CADM2: variants seen among roughly 807,000 people sequenced by gnomAD.
CADM2 encodes immunoglobulin superfamily member 4D.
CADM2 carries 12 observed loss-of-function variants against 49.8 expected under a neutral mutation model. That is an observed-to-expected ratio of 0.24 (90% CI 0.15 to 0.39). The LOEUF (loss-of-function observed/expected upper bound fraction) is 0.39, where lower values mean the gene tolerates loss of function less well. Among genes scored for constraint, CADM2 ranks in the 10% least tolerant of loss-of-function variants. The probability of loss-of-function intolerance (pLI) is 1.00; values close to 1 mark genes in which losing one functional copy is unlikely to be tolerated. For missense variants in CADM2, 378 were observed against 492.3 expected, an observed-to-expected ratio of 0.77 and a Z score of 2.20; for synonymous variants, 214 against 175.4, an observed-to-expected ratio of 1.22 and a Z score of -1.74.
chr3:85,989,565 C>G (rs752011459), intron 8 of CADM2, among the ~76,000 whole-genome samples: 1 of 151,956 alleles, frequency 6.6e-6, no homozygotes, highest in Non-Finnish European at 1.5e-5. Context: ...CAAAACAGGA[C>G]GAAAGATGGA....
In CADM2 at chr3:85,535,910, A is replaced by G. The variant is rs545888198; in HGVS notation, c.62-190612A>G. On this transcript the variant is annotated intron_variant, in intron 1 of 9. Coordinates refer to ENST00000383699, the MANE Select transcript of CADM2 (RefSeq NM_001167675.2). ...TGGTAATGCTGTGTGTAGAAGGAAT[A>G]GTATTTTAGGCTGTAGACTTGTGTC... Among the ~76,000 whole-genome samples the G allele has an allele frequency of 2.8e-4, 43 of 152,250 alleles. 1 individual carries two copies. The South Asian group carries it at 7.5e-3, about 26-fold the overall frequency.
intron 1 of CADM2, among the ~76,000 whole-genome samples, chr3:85,347,640 C>CATATATATAAATATATATACAT (rs2030871744): frequency 1.8e-5 from 1 of 57,020 alleles, no homozygotes; most frequent in African/African-American, 4.6e-5. Context: ...AATATATATA[C>CATATATATAAATATATATACAT]ATATATATAT....
chr3:86,064,494 C>T (rs932040358), intron 8 of CADM2, among the ~76,000 whole-genome samples: 10 of 152,008 alleles, frequency 6.6e-5, no homozygotes, highest in African/African-American at 1.9e-4. Context: ...TTTGCTATTG[C>T]GAGTAGTGCC....
chr3:85,547,886 G>A (rs1328971684), intron 1 of CADM2, among the ~76,000 whole-genome samples: 1 of 152,180 alleles, frequency 6.6e-6, no homozygotes, highest in Non-Finnish European at 1.5e-5. Flanking sequence ...TCTAGAACAT[G>A]TTGGCCACTG....
intron 1 of CADM2, among the ~76,000 whole-genome samples, chr3:85,625,355 T>C (rs2064094049): frequency 6.6e-6 from 1 of 152,120 alleles, no homozygotes; most frequent in South Asian, 2.1e-4. Context: ...AAAGGCTATC[T>C]TATCCATGGT....
chr3:84,963,133 A>C (rs2107047392), intron 1 of CADM2, among the ~76,000 whole-genome samples: 1 of 152,324 alleles, frequency 6.6e-6, no homozygotes, highest in South Asian at 2.1e-4. Flanking sequence ...TAGGCTACTT[A>C]AATAGCAAAA....
chr3:85,009,118 A>G (rs532859550), intron 1 of CADM2, among the ~76,000 whole-genome samples: 5 of 152,220 alleles, frequency 3.3e-5, no homozygotes, highest in African/African-American at 1.2e-4. Context: ...CAGCTTGTGG[A>G]TCCCTGGGGA....
At chr3:85,598,681 C>G (rs2063312565) in intron 1 of CADM2, among the ~76,000 whole-genome samples, 1 of 151,830 alleles carries the variant, frequency 6.6e-6, no homozygotes, top group Admixed American at 6.6e-5. Flanking sequence ...CACTGTGTGT[C>G]AGAACCTCTG....
chr3:85,170,085 A>G (rs1379457925), intron 1 of CADM2, among the ~76,000 whole-genome samples: 1 of 152,166 alleles, frequency 6.6e-6, no homozygotes. Context: ...TACTGTTGGA[A>G]ATAGCAGCTT....
At chr3:85,644,173 T>A (rs1486876888) in intron 1 of CADM2, among the ~76,000 whole-genome samples, 2 of 152,170 alleles carry the variant, frequency 1.3e-5, no homozygotes, top group African/African-American at 4.8e-5. Context: ...TGGTGAGGGC[T>A]GTCTTCCAGG....
intron 7 of CADM2, among the ~76,000 whole-genome samples, chr3:85,942,800 T>C (rs1577724225): frequency 6.6e-6 from 1 of 152,086 alleles, no homozygotes; most frequent in Admixed American, 6.6e-5. Flanking sequence ...AACATACGTG[T>C]GCATGTGTCT....
At chr3:85,977,109 A>G (rs1220188390) in intron 8 of CADM2, among the ~76,000 whole-genome samples, 1 of 150,564 alleles carries the variant, frequency 6.6e-6, no homozygotes, top group African/African-American at 2.4e-5. Flanking sequence ...GGTTGGGGGG[A>G]CTCCAAATAC....
intron 1 of CADM2, among the ~76,000 whole-genome samples, chr3:85,433,542 A>C (rs2036785919): frequency 6.6e-6 from 1 of 152,088 alleles, no homozygotes; most frequent in South Asian, 2.1e-4. Context: ...TTGCCAGAGC[A>C]TTGGAGAAGT....
intron 3 of CADM2, among the ~76,000 whole-genome samples, chr3:85,834,512 G>A (rs962882266): frequency 2.0e-5 from 3 of 151,560 alleles, no homozygotes; most frequent in African/African-American, 7.3e-5. Context: ...GTATGGACTT[G>A]TGTTGTTACA....
At chr3:85,818,511 C>A (rs756024403) in intron 3 of CADM2, among the ~76,000 whole-genome samples, 1 of 152,234 alleles carries the variant, frequency 6.6e-6, no homozygotes, top group Non-Finnish European at 1.5e-5. Flanking sequence ...ATGTGCATTT[C>A]TATTTTGTTT....
chr3:85,978,454 C>G (rs1486015065), intron 8 of CADM2, among the ~76,000 whole-genome samples: 2 of 151,474 alleles, frequency 1.3e-5, no homozygotes, highest in African/African-American at 2.4e-5. Context: ...AATCATAAAC[C>G]TTTCAGAATA....
Position 85,336,133 on chromosome 3 carries a change from A to T in CADM2, c.61+376465A>T, listed in dbSNP as rs182882095. 3.2e-4 allele frequency among the ~76,000 whole-genome samples: 49 copies of T among 151,564 alleles called. No individual in the cohort carries two copies. In the South Asian group the frequency reaches 4.8e-3, roughly 15 times the overall value. ...TCTTTGACGTCATTGCTTTTACTTT[A>T]GGCCATCAACATTTCCTTCTGCACT... is the stretch of plus-strand genomic sequence containing the variant. On this transcript the variant is annotated intron_variant, in intron 1 of 9. Coordinates refer to ENST00000383699, the MANE Select transcript of CADM2 (RefSeq NM_001167675.2).
chr3:85,934,898 T>A (rs986984909), intron 6 of CADM2, among the ~76,000 whole-genome samples: 1 of 151,988 alleles, frequency 6.6e-6, no homozygotes, highest in African/African-American at 2.4e-5. Context: ...AATGTGAAGA[T>A]AAGAGGAGAA....
At chr3:85,556,057 A>G (rs1481751271) in intron 1 of CADM2, among the ~76,000 whole-genome samples, 1 of 152,106 alleles carries the variant, frequency 6.6e-6, no homozygotes, top group African/African-American at 2.4e-5. Context: ...AAAATCTGTG[A>G]ATAACTTTTG....
Sources: allele counts gnomAD v4.1 joint callset (sites outside exome capture counted in the v4.1 genomes callset), GRCh38; gene constraint gnomAD v4.1.1; transcripts MANE v1.5; gene names NCBI Gene and HGNC (gene_info 2026-07-23, HGNC 2026-07-21).